GATAD2B: variants seen among roughly 807,000 people sequenced by gnomAD.
GATAD2B encodes GATA zinc finger domain containing 2B.
GATAD2B carries 8 observed loss-of-function variants against 64.3 expected under a neutral mutation model. The ratio of observed to expected loss-of-function variants is 0.12; its 90% confidence interval spans 0.07 to 0.22. GATAD2B has a LOEUF of 0.22. Among genes scored for constraint, GATAD2B ranks in the 10% least tolerant of loss-of-function variants. The pLI, the probability that GATAD2B is intolerant of heterozygous loss-of-function variation, is 1.00. For missense variants in GATAD2B, 453 were observed against 752.0 expected (o/e 0.60, Z 4.65); for synonymous variants, 281 against 271.3 (o/e 1.04, Z -0.35).
chr1:153,854,764 A>G (rs557733632), intron 1 of GATAD2B, among the ~76,000 whole-genome samples: 13 of 152,354 alleles, frequency 8.5e-5, no homozygotes, highest in African/African-American at 2.2e-4. Flanking sequence ...TATAAACAAA[A>G]TAACTCCACA....
intron 1 of GATAD2B, among the ~76,000 whole-genome samples, chr1:153,896,560 C>T (rs1287507310): frequency 6.6e-6 from 1 of 151,796 alleles, no homozygotes; most frequent in Non-Finnish European, 1.5e-5. Context: ...CCTCAGCCTC[C>T]TGAGTAGCTG....
At chr1:153,921,076 G>A (rs1224849188) in intron 1 of GATAD2B, among the ~76,000 whole-genome samples, 2 of 152,110 alleles carry the variant, frequency 1.3e-5, no homozygotes, top group Admixed American at 1.3e-4. Flanking sequence ...ACTAAGTACT[G>A]ACAGAAATAC....
In GATAD2B at chr1:153,804,830, A is replaced by C. The variant is rs1674063836; in HGVS notation, c.*5347T>G. The C allele has an allele frequency of 6.6e-6, 1 of 152,616 alleles. No homozygotes were observed. The highest frequency in any genetic ancestry group is 1.9e-4 in the East Asian group (1 of 5,206). 9.5% of individuals were successfully genotyped at this position (152,616 alleles called of 1,614,324 possible). On this transcript the variant is annotated 3_prime_UTR_variant, in exon 11 of 11. Transcript: ENST00000368655. ...TCTCCAAAAATTAGCTTATTATTTG[A>C]ATCTGTCACTGCTGAAATGCTCAGC...
rs1455645769 is a variant in GATAD2B, at chr1:153,862,180, C to T, written c.-1-33832G>A. 2.2e-5 allele frequency among the ~76,000 whole-genome samples: 3 copies of T among 136,142 alleles called. No individual in the cohort carries two copies. In the East Asian group the frequency reaches 6.5e-4, roughly 30 times the overall value. The allele number at this position is 136,142 out of a possible 152,430, so 89.3% of individuals were successfully genotyped here. ...CTCTGTCACCCAGGATGGAGTGCAGCGGCGTGATCTCAGCTCACTGCAAAC... is the reference window on the plus strand; with the variant it reads ...CTCTGTCACCCAGGATGGAGTGCAGTGGCGTGATCTCAGCTCACTGCAAAC... On this transcript the variant is annotated intron_variant, in intron 1 of 10. Coordinates refer to ENST00000368655, the MANE Select transcript of GATAD2B (RefSeq NM_020699.4).
intron 2 of GATAD2B, among the ~76,000 whole-genome samples, chr1:153,826,782 T>C (rs955952293): frequency 6.6e-6 from 1 of 150,530 alleles, no homozygotes; most frequent in Non-Finnish European, 1.5e-5. Flanking sequence ...TCTACAAAAG[T>C]ATTCAAAAAT....
Position 153,812,088 on chromosome 1 carries a change from A to G in GATAD2B, c.1464T>C (p.Thr488=), listed in dbSNP as rs1264896910. 1 of 1,612,868 alleles carries G rather than the reference A, an allele frequency of 6.2e-7. No homozygotes were observed. The highest frequency in any genetic ancestry group is 8.5e-7 in the Non-Finnish European group (1 of 1,179,214). ...TGACACTGGACACAGCTGGAGCCGT[A>G]GTGGGGGAGAGGGCTGCCTGCTGCT... The part of the protein sequence containing the change: ...RLQQQAALSP[T]TAPAVSSVSK... Residue 488 remains threonine (T), a synonymous_variant, in exon 9 of 11, where the codon ACT becomes ACC. Coordinates refer to ENST00000368655, the MANE Select transcript of GATAD2B (RefSeq NM_020699.4).
chr1:153,901,855 AT>A (rs1246692965), intron 1 of GATAD2B, among the ~76,000 whole-genome samples: 1 of 119,384 alleles, frequency 8.4e-6, no homozygotes, highest in African/African-American at 3.0e-5. Context: ...AAATAAATAA[AT>A]TAAATAAAAT....
chr1:153,889,831 A>T (rs1487119250), intron 1 of GATAD2B: 1 of 153,074 alleles, frequency 6.5e-6, no homozygotes, highest in Non-Finnish European at 1.5e-5. Context: ...CAGAATACAA[A>T]ATAAAAAAAG....
intron 1 of GATAD2B, among the ~76,000 whole-genome samples, chr1:153,870,342 G>A (rs539130073): frequency 2.0e-5 from 3 of 152,240 alleles, no homozygotes; most frequent in East Asian, 1.9e-4. Context: ...AGGCCAAGGC[G>A]GGCAGAATCA....
intron 1 of GATAD2B, among the ~76,000 whole-genome samples, chr1:153,875,364 G>GA (rs11411749): frequency 0.013 from 1,920 of 149,744 alleles, 42 homozygotes; most frequent in African/African-American, 0.045. Context: ...TGAGCTGGAA[G>GA]AAAAAAAAAA....
At chr1:153,870,328 T>C (rs1257666560) in intron 1 of GATAD2B, among the ~76,000 whole-genome samples, 1 of 152,210 alleles carries the variant, frequency 6.6e-6, no homozygotes, top group African/African-American at 2.4e-5. Flanking sequence ...TCCAGCACTA[T>C]GGGAGGCCAA....
intron 1 of GATAD2B, among the ~76,000 whole-genome samples, chr1:153,897,336 C>A (rs1677628515): frequency 6.6e-6 from 1 of 152,022 alleles, no homozygotes; most frequent in African/African-American, 2.4e-5. Flanking sequence ...GCCAAAACAC[C>A]AAAACACCTG....
intron 2 of GATAD2B, among the ~76,000 whole-genome samples, chr1:153,823,729 T>C (rs1327217303): frequency 6.6e-6 from 1 of 151,884 alleles, no homozygotes; most frequent in Admixed American, 6.6e-5. Context: ...TTTTTTTGTT[T>C]TTTTGTTTGT....
intron 1 of GATAD2B, among the ~76,000 whole-genome samples, chr1:153,836,868 A>C (rs569417888): frequency 2.6e-5 from 4 of 152,224 alleles, no homozygotes; most frequent in South Asian, 4.1e-4. Context: ...AGCTGAAAGT[A>C]AGTCAAATAA....
chr1:153,860,525 G>C (rs191646828), intron 1 of GATAD2B, among the ~76,000 whole-genome samples: 130 of 150,424 alleles, frequency 8.6e-4, no homozygotes, highest in Non-Finnish European at 3.4e-4. Context: ...TGCAGAGATT[G>C]GGTCTTGCTA....
rs567887263 is a variant in GATAD2B, at chr1:153,816,792, G to C, written c.901-204C>G. ...TGACCATGAGCTAACATTGCTAAGA[G>C]AGAAATAAAGGCCACGCGTGGTGGC... is the stretch of plus-strand genomic sequence containing the variant. On this transcript the variant is annotated intron_variant, in intron 6 of 10. Coordinates refer to ENST00000368655, the MANE Select transcript of GATAD2B (RefSeq NM_020699.4). This position sits in a 1 kb window ranked among gnomAD's most constrained non-coding sequence, Gnocchi z 4.9. 3.3e-5 allele frequency among the ~76,000 whole-genome samples: 5 copies of C among 152,296 alleles called. No individual in the cohort carries two copies. The highest frequency in any genetic ancestry group is 4.8e-5 in the African/African-American group (2 of 41,576).
Position 153,910,864 on chromosome 1 carries a change from C to T in GATAD2B, c.-2+11869G>A, listed in dbSNP as rs369380903. ...TAAGGTAAGCTAGGCTAAGCTATGA[C>T]GTTTAGTAGGTTAGCTGTATTAAAT... On this transcript the variant is annotated intron_variant, in intron 1 of 10. Coordinates refer to ENST00000368655, the MANE Select transcript of GATAD2B (RefSeq NM_020699.4). Among the ~76,000 whole-genome samples, 19 of 152,226 alleles carry T rather than the reference C, an allele frequency of 1.2e-4. No homozygotes were observed. In the South Asian group the frequency reaches 2.9e-3, roughly 23 times the overall value.
intron 1 of GATAD2B, among the ~76,000 whole-genome samples, chr1:153,884,197 T>C (rs190485760): frequency 1.3e-5 from 2 of 152,188 alleles, no homozygotes; most frequent in East Asian, 3.9e-4. Context: ...TCCCAGCACT[T>C]TGGGAGGCCG....
intron 1 of GATAD2B, among the ~76,000 whole-genome samples, chr1:153,829,491 A>G (rs1335911490): frequency 1.3e-5 from 2 of 151,730 alleles, no homozygotes; most frequent in Non-Finnish European, 2.9e-5. Context: ...TAATCCCAGC[A>G]TTTTGGGAGG....
Sources: gnomAD v4.1 joint callset for allele counts (sites outside exome capture counted in the v4.1 genomes callset) on GRCh38, gnomAD v4.1.1 for gene constraint, Gnocchi (gnomAD v3.1) non-coding constraint, MANE v1.5 for transcripts, NCBI Gene and HGNC (gene_info 2026-07-23, HGNC 2026-07-21) for gene names.